NELL2: variants seen among roughly 807,000 people sequenced by gnomAD.
The protein encoded by NELL2 is neural EGFL like 2.
A neutral mutation model predicts 109.6 loss-of-function variants in NELL2; 41 were observed. That is an observed-to-expected ratio of 0.37 (90% CI 0.29 to 0.49). NELL2 has a LOEUF of 0.49. Ranked by LOEUF, NELL2 falls within the 20% of genes least tolerant of loss-of-function variation. The pLI is 0.98. For synonymous variants in NELL2, 355 were observed against 344.7 expected (o/e 1.03, Z -0.33); for missense variants, 900 against 1,008.3 (o/e 0.89, Z 1.45).
Position 44,766,086 on chromosome 12 carries a change from A to AG in NELL2, c.994+8660dup, listed in dbSNP as rs1377045093. 1.1e-3 allele frequency among the ~76,000 whole-genome samples: 160 copies of AG among 151,562 alleles called. 1 individual carries two copies. Among genetic ancestry groups the AG allele is most frequent in the Non-Finnish European group, 2.1e-3 (144 of 67,838 alleles). ...GGGTGACAGAGCAAGACTCCGTATC[A>AG]GAAAAAAAAAAAAAAGAAAGAAATG... On this transcript the variant is annotated intron_variant, in intron 9 of 19. Transcript: ENST00000429094.
chr12:44,730,710 C>G (rs939585797), intron 9 of NELL2, among the ~76,000 whole-genome samples: 1 of 151,498 alleles, frequency 6.6e-6, no homozygotes, highest in African/African-American at 2.4e-5. Context: ...AACTAAACAC[C>G]TCAAGGAACT....
At chr12:44,685,535 T>C (rs1032375255) in intron 12 of NELL2, among the ~76,000 whole-genome samples, 1 of 152,200 alleles carries the variant, frequency 6.6e-6, no homozygotes, top group Non-Finnish European at 1.5e-5. Flanking sequence ...TTTGGCATGA[T>C]TTTGCAGCAG....
intron 12 of NELL2, among the ~76,000 whole-genome samples, chr12:44,675,074 C>G (rs192889576): frequency 2.0e-5 from 3 of 152,142 alleles, no homozygotes; most frequent in Non-Finnish European, 4.4e-5. Flanking sequence ...TGAAGCTCAA[C>G]GTGGCAGAGT....
chr12:44,809,715 G>T (rs1943113245), intron 3 of NELL2, among the ~76,000 whole-genome samples: 1 of 152,022 alleles, frequency 6.6e-6, no homozygotes, highest in African/African-American at 2.4e-5. Flanking sequence ...TATGCCACTT[G>T]GTTTGAAGCT....
intron 2 of NELL2, among the ~76,000 whole-genome samples, chr12:44,843,282 T>C (rs1944280422): frequency 6.6e-6 from 1 of 151,948 alleles, no homozygotes; most frequent in Non-Finnish European, 1.5e-5. Flanking sequence ...TCTATTGGAA[T>C]GGCAAATAAA....
At chr12:44,858,061 A>G (rs925665641) in intron 2 of NELL2, among the ~76,000 whole-genome samples, 1 of 152,174 alleles carries the variant, frequency 6.6e-6, no homozygotes, top group Non-Finnish European at 1.5e-5. Flanking sequence ...CTAATTCCAA[A>G]ATAAAAATAA....
intron 11 of NELL2, among the ~76,000 whole-genome samples, chr12:44,708,965 CATA>C (rs1352811272): frequency 6.6e-6 from 1 of 152,108 alleles, no homozygotes; most frequent in Non-Finnish European, 1.5e-5. Context: ...ACTTGCTTTT[CATA>C]ATATATTAGG....
chr12:44,589,382 A>G (rs890283076), intron 15 of NELL2, among the ~76,000 whole-genome samples: 25 of 116,596 alleles, frequency 2.1e-4, no homozygotes, highest in Non-Finnish European at 4.0e-4. Context: ...AAGAGACACT[A>G]CTTTTATTTA....
At chr12:44,816,164 A>T (rs1471030776) in intron 2 of NELL2, 28 bp from the exon 3 acceptor site, 1 of 1,532,808 alleles carries the variant, frequency 6.5e-7, no homozygotes. Context: ...ATATACTAAG[A>T]ATAGTAGAAT....
At chr12:44,609,875 A>G (rs1223569748) in intron 14 of NELL2, among the ~76,000 whole-genome samples, 1 of 152,060 alleles carries the variant, frequency 6.6e-6, no homozygotes, top group South Asian at 2.1e-4. Flanking sequence ...GAGATAAAGG[A>G]CACGGTATAT....
chr12:44,806,145 A>T (rs751718731), intron 3 of NELL2, among the ~76,000 whole-genome samples: 1 of 151,910 alleles, frequency 6.6e-6, no homozygotes, highest in South Asian at 2.1e-4. Flanking sequence ...AAGGCAAATT[A>T]AAAATATAGA....
At position 44,876,114 on chromosome 12, in the gene NELL2, G is replaced by C. The variant is rs774053985; in HGVS notation, c.-245C>G. 3 of 1,316,276 alleles carry C rather than the reference G, an allele frequency of 2.3e-6. No homozygotes were observed. Among genetic ancestry groups the C allele is most frequent in the South Asian group, 2.0e-5 (1 of 49,186 alleles). 81.5% of individuals were successfully genotyped at this position (1,316,276 alleles called of 1,614,324 possible). A position where few individuals can be genotyped will look rare whatever the true frequency, so the allele number is the denominator to read the frequency against. Reference sequence around the variant, plus strand: ...ACACGCAGGGCCGAGGCGGCAGCGCGGCCCGGAGGGGGCCCGGAGGGAGGG... The same window carrying C: ...ACACGCAGGGCCGAGGCGGCAGCGCCGCCCGGAGGGGGCCCGGAGGGAGGG... On this transcript the variant is annotated 5_prime_UTR_variant, in exon 1 of 20. Coordinates refer to ENST00000429094, the MANE Select transcript of NELL2 (RefSeq NM_001145108.2).
At chr12:44,841,033 C>A (rs1944211279) in intron 2 of NELL2, among the ~76,000 whole-genome samples, 1 of 152,140 alleles carries the variant, frequency 6.6e-6, no homozygotes, top group Non-Finnish European at 1.5e-5. Context: ...GGCATAATGA[C>A]CTACTGAGGA....
intron 15 of NELL2, among the ~76,000 whole-genome samples, chr12:44,539,842 C>T (rs1411638472): frequency 6.6e-6 from 1 of 152,140 alleles, no homozygotes; most frequent in Non-Finnish European, 1.5e-5. Context: ...GATTCATAAA[C>T]ACATGCTGAA....
chr12:44,821,929 A>ATTTC (rs1262721356), intron 2 of NELL2, among the ~76,000 whole-genome samples: 12 of 138,714 alleles, frequency 8.7e-5, no homozygotes, highest in Non-Finnish European at 1.4e-4. Flanking sequence ...TTATTTATTT[A>ATTTC]TTTTGGTATT....
intron 9 of NELL2, among the ~76,000 whole-genome samples, chr12:44,762,700 T>C (rs374982752): frequency 1.3e-5 from 2 of 152,260 alleles, no homozygotes; most frequent in South Asian, 2.1e-4. Flanking sequence ...GCTTACACAT[T>C]CCTCTTTCTC....
chr12:44,557,210 G>T (rs796742275), intron 15 of NELL2, among the ~76,000 whole-genome samples: 6 of 152,076 alleles, frequency 3.9e-5, no homozygotes, highest in African/African-American at 1.4e-4. Flanking sequence ...CTACCATTTT[G>T]CCCAGCCCCT....
intron 15 of NELL2, among the ~76,000 whole-genome samples, chr12:44,589,765 T>G (rs527522567): frequency 1.3e-5 from 2 of 152,330 alleles, no homozygotes; most frequent in South Asian, 2.1e-4. Context: ...AAACCAAAAT[T>G]TATTCACCAA....
At chr12:44,642,466 G>T (rs1946898447) in intron 13 of NELL2, among the ~76,000 whole-genome samples, 1 of 152,180 alleles carries the variant, frequency 6.6e-6, no homozygotes. Flanking sequence ...GGAGTAAGGG[G>T]GAAGGAGGAA....
Sources: gnomAD v4.1 joint callset for allele counts (sites outside exome capture counted in the v4.1 genomes callset) on GRCh38, gnomAD v4.1.1 for gene constraint, MANE v1.5 for transcripts, NCBI Gene and HGNC (gene_info 2026-07-23, HGNC 2026-07-21) for gene names.